Variants in BICD1 observed in about 807,000 individuals in gnomAD.
BICD1 encodes the protein protein bicaudal D homolog 1.
BICD1 carries 35 observed loss-of-function variants against 92.5 expected under a neutral mutation model. That is an observed-to-expected ratio of 0.38 (90% CI 0.29 to 0.50). BICD1 has a LOEUF of 0.50. Among genes scored for constraint, BICD1 ranks in the 20% least tolerant of loss-of-function variants. The probability of loss-of-function intolerance (pLI) is 0.93; values close to 1 mark genes in which losing one functional copy is unlikely to be tolerated. For synonymous variants in BICD1, 429 were observed against 465.1 expected, an observed-to-expected ratio of 0.92 and a Z score of 1.00; for missense variants, 950 against 1,189.8, an observed-to-expected ratio of 0.80 and a Z score of 2.97.
chr12:32,111,552 AATTG>A (rs1941691656), intron 1 of BICD1, among the ~76,000 whole-genome samples: 1 of 152,184 alleles, frequency 6.6e-6, no homozygotes, highest in Admixed American at 6.5e-5. Context: ...GTTAATACTT[AATTG>A]ATCTATCTGA....
At chr12:32,372,921 A>T (rs755616228) in intron 9 of BICD1, among the ~76,000 whole-genome samples, 1 of 152,240 alleles carries the variant, frequency 6.6e-6, no homozygotes, top group Non-Finnish European at 1.5e-5. Context: ...TACTTTTTAC[A>T]GGCTAATTCC....
intron 2 of BICD1, among the ~76,000 whole-genome samples, chr12:32,282,199 C>CTTTTTTTTTTTTTTTT (rs1565639578): frequency 1.4e-5 from 1 of 68,994 alleles, no homozygotes; most frequent in Non-Finnish European, 2.8e-5. Flanking sequence ...TTCAGGTCTT[C>CTTTTTTTTTTTTTTTT]TTCTTTTTTT....
At chr12:32,207,512 GA>G (rs1437712890) in intron 1 of BICD1, among the ~76,000 whole-genome samples, 2 of 152,010 alleles carry the variant, frequency 1.3e-5, no homozygotes, top group Non-Finnish European at 2.9e-5. Flanking sequence ...ATATGTGATA[GA>G]TTTTTTTTAA....
chr12:32,370,134 C>T (rs1939675632), intron 9 of BICD1, among the ~76,000 whole-genome samples: 1 of 152,164 alleles, frequency 6.6e-6, no homozygotes, highest in East Asian at 1.9e-4. Flanking sequence ...TTTGGGAGGC[C>T]AAGGCCGGTG....
rs2136354893 is a variant in BICD1, at chr12:32,381,007, G to T, written c.*3380G>T. 6.6e-6 allele frequency: 1 copy of T among 152,112 alleles called. No homozygotes were observed. Among genetic ancestry groups the T allele is most frequent in the South Asian group, 2.1e-4 (1 of 4,812 alleles). 9.4% of individuals were successfully genotyped at this position (152,112 alleles called of 1,614,324 possible). Reference sequence around the variant, plus strand: ...GTTTTGTAAAAATTGAATATCATTGGTGGTCTAGTAAGTATTAAGTGGCAA... The same window carrying T: ...GTTTTGTAAAAATTGAATATCATTGTTGGTCTAGTAAGTATTAAGTGGCAA... On this transcript the variant is annotated 3_prime_UTR_variant, in exon 10 of 10. Transcript: ENST00000652176.
intron 1 of BICD1, among the ~76,000 whole-genome samples, chr12:32,152,376 G>A (rs1943314753): frequency 6.6e-6 from 1 of 151,478 alleles, no homozygotes; most frequent in Admixed American, 6.6e-5. Context: ...AGCCTCCCAA[G>A]TACCTAGGGC....
chr12:32,330,609 A>G (rs1405967776), intron 5 of BICD1, among the ~76,000 whole-genome samples: 2 of 151,290 alleles, frequency 1.3e-5, no homozygotes, highest in Non-Finnish European at 2.9e-5. Context: ...AAATAAAAAA[A>G]GAAAAGATTA....
chr12:32,158,128 GGA>G (rs1943497296), intron 1 of BICD1, among the ~76,000 whole-genome samples: 1 of 126,060 alleles, frequency 7.9e-6, no homozygotes. Context: ...TTTTTGAGAT[GGA>G]GTTTCACTCT....
intron 1 of BICD1, among the ~76,000 whole-genome samples, chr12:32,215,213 G>A (rs1945318408): frequency 6.6e-6 from 1 of 152,108 alleles, no homozygotes; most frequent in Admixed American, 6.5e-5. Flanking sequence ...TGGGTGGCAA[G>A]CTAGACTCCA....
intron 8 of BICD1, among the ~76,000 whole-genome samples, chr12:32,359,180 CTG>C (rs1939228432): frequency 6.6e-6 from 1 of 152,208 alleles, no homozygotes; most frequent in South Asian, 2.1e-4. Flanking sequence ...TTTCTACTAA[CTG>C]TTAATCATCT....
At chr12:32,212,599 A>G (rs1592486030) in intron 1 of BICD1, among the ~76,000 whole-genome samples, 1 of 152,252 alleles carries the variant, frequency 6.6e-6, no homozygotes, top group Non-Finnish European at 1.5e-5. Flanking sequence ...TAATCTTTGT[A>G]TTTTAACAGA....
At chr12:32,204,698 A>G (rs184793794) in intron 1 of BICD1, among the ~76,000 whole-genome samples, 1 of 152,194 alleles carries the variant, frequency 6.6e-6, no homozygotes, top group African/African-American at 2.4e-5. Context: ...CATGTTGGAA[A>G]TACTTACACC....
intron 2 of BICD1, among the ~76,000 whole-genome samples, chr12:32,233,841 C>A (rs1434876158): frequency 6.6e-6 from 1 of 152,130 alleles, no homozygotes; most frequent in Admixed American, 6.5e-5. Context: ...TTCCAAAGAG[C>A]ATCCCAGTTG....
chr12:32,273,828 GA>G (rs1347999232), intron 2 of BICD1, among the ~76,000 whole-genome samples: 2 of 152,176 alleles, frequency 1.3e-5, no homozygotes, highest in African/African-American at 4.8e-5. Flanking sequence ...AAGGAAAAAG[GA>G]AAAAGAACTC....
At chr12:32,259,664 T>C (rs1307230371) in intron 2 of BICD1, among the ~76,000 whole-genome samples, 1 of 152,166 alleles carries the variant, frequency 6.6e-6, no homozygotes, top group East Asian at 1.9e-4. Context: ...CTTAGAACTT[T>C]GGCTCAGAAG....
At chr12:32,160,009 A>C in intron 1 of BICD1, among the ~76,000 whole-genome samples, 1 of 113,234 alleles carries the variant, frequency 8.8e-6, no homozygotes, top group Non-Finnish European at 2.2e-5. Context: ...TTAACTCTCT[A>C]AGCCTCAAAT....
At chr12:32,135,982 C>A (rs1187861608) in intron 1 of BICD1, among the ~76,000 whole-genome samples, 1 of 152,200 alleles carries the variant, frequency 6.6e-6, no homozygotes, top group African/African-American at 2.4e-5. Context: ...CCTATTTCTT[C>A]ATCTAACAGT....
intron 1 of BICD1, among the ~76,000 whole-genome samples, chr12:32,139,789 T>C (rs1256954660): frequency 6.6e-6 from 1 of 152,142 alleles, no homozygotes; most frequent in East Asian, 1.9e-4. Flanking sequence ...CTCAAACCCC[T>C]GACCTCGCGA....
intron 9 of BICD1, among the ~76,000 whole-genome samples, chr12:32,373,138 CT>C (rs1319333164): frequency 2.6e-5 from 4 of 152,144 alleles, no homozygotes; most frequent in Non-Finnish European, 5.9e-5. Flanking sequence ...TTAGTAACAG[CT>C]TCCTAAACTT....
Sources: allele counts gnomAD v4.1 joint callset (sites outside exome capture counted in the v4.1 genomes callset), GRCh38; gene constraint gnomAD v4.1.1; transcripts MANE v1.5; gene names NCBI Gene and HGNC (gene_info 2026-07-23, HGNC 2026-07-21).